The following LAD1 variants were observed in gnomAD, a reference collection of about 807,000 sequenced individuals.
LAD1 encodes the protein ladinin-1.
Under a neutral mutation model 54.2 loss-of-function variants are expected in LAD1, and 53 were observed. That is an observed-to-expected ratio of 0.98 (90% confidence interval 0.78 to 1.23). The LOEUF is 1.23. Among genes scored for constraint, LAD1 ranks in the 50% most tolerant of loss-of-function variants. The pLI, the probability that LAD1 is intolerant of heterozygous loss-of-function variation, is 0.00. For missense variants in LAD1, 637 were observed against 653.3 expected, an observed-to-expected ratio of 0.98 and a Z score of 0.27; for synonymous variants, 231 against 257.7, an observed-to-expected ratio of 0.90 and a Z score of 0.99.
At position 201,387,169 on chromosome 1, in the gene LAD1, G is replaced by T. The variant is rs200025654; in HGVS notation, c.192C>A (p.Ser64Arg). ...RQASASERLP[S>R]VEEAEVPKPL... ...GCTTGGGCACCTCTGCTTCTTCCAC[G>T]CTCGGTAGTCTGAATCAGAAGATGG... The change falls in exon 3 of 10, where the codon AGC (serine) becomes AGA (arginine). Residue 64 changes from serine (S) to arginine (R), a missense_variant. Physicochemically the swap from Ser to Arg is moderately radical, Grantham distance 110. Transcript: ENST00000391967. 4.6e-6 allele frequency: 7 copies of T among 1,511,652 alleles called. No individual in the cohort carries two copies. The highest frequency in any genetic ancestry group is 6.2e-6 in the Non-Finnish European group (7 of 1,132,356). 93.6% of individuals were successfully genotyped at this position (1,511,652 alleles called of 1,614,324 possible).
At chr1:201,391,301 G>T (rs753807103) in intron 1 of LAD1, 10 of 371,896 alleles carry the variant, frequency 2.7e-5, no homozygotes, top group Non-Finnish European at 4.2e-5. Context: ...GGCCAAGCAG[G>T]CATTCTACAG....
chr1:201,386,335 C>G lies in LAD1; in HGVS notation c.1026G>C (p.Gln342His). 2 of 1,458,552 alleles carry G rather than the reference C, an allele frequency of 1.4e-6. No homozygotes were observed. The highest frequency in any genetic ancestry group is 3.0e-5 in the South Asian group (2 of 65,932). The allele number at this position is 1,458,552 out of a possible 1,614,324, so 90.4% of individuals were successfully genotyped here. A position where few individuals can be genotyped will look rare whatever the true frequency, so the allele number is the denominator to read the frequency against. ...VASRLPPVTL[Q>H]VKIPSKEEEA... ...GTGGGAGGGACGGGACACTGCCAACCTGGAGTGTGACGGGTGGGAGGCGGG... is the reference window on the plus strand; with the variant it reads ...GTGGGAGGGACGGGACACTGCCAACGTGGAGTGTGACGGGTGGGAGGCGGG... The change falls in exon 3 of 10, where the codon CAG (glutamine) becomes CAC (histidine). Residue 342 changes from glutamine (Q) to histidine (H), a missense_variant and splice_region_variant. Coordinates refer to ENST00000391967, the MANE Select transcript of LAD1 (RefSeq NM_005558.4).
rs763204912 is a variant in LAD1 at position 201,384,785 on chromosome 1, C to T, written c.1175+7G>A. ...ATAGAAAGAACCAGAGCCTCCAGGC[C>T]CCCCACCTGCGAGTTAGGGTTGTTT... On this transcript the variant is annotated splice_region_variant and intron_variant, in intron 5 of 9. Transcript: ENST00000391967. 1.2e-6 allele frequency: 2 copies of T among 1,613,894 alleles called. No homozygotes were observed. Among genetic ancestry groups the T allele is most frequent in the East Asian group, 2.2e-5 (1 of 44,874 alleles).
chr1:201,382,147 C>T (rs1230489437), intron 9 of LAD1, 105 bp downstream of exon 9: 37 of 1,018,730 alleles, frequency 3.6e-5, no homozygotes, highest in Middle Eastern at 3.1e-4. Context: ...TCTGGGTGGA[C>T]TGCGCGATTG....
chr1:201,396,064 G>A (rs1045164431), intron 1 of LAD1, among the ~76,000 whole-genome samples: 2 of 152,136 alleles, frequency 1.3e-5, no homozygotes, highest in African/African-American at 2.4e-5. Flanking sequence ...GAGGGCAGAG[G>A]TTTGGGGAAA....
At chr1:201,389,608 T>C (rs531482903) in intron 1 of LAD1, among the ~76,000 whole-genome samples, 1 of 151,108 alleles carries the variant, frequency 6.6e-6, no homozygotes, top group African/African-American at 2.4e-5. Context: ...AGCTCAGGAG[T>C]TTGAGACCAG....
intron 5 of LAD1, 117 bp from the exon 6 acceptor site, chr1:201,383,506 G>A (rs1366541614): frequency 1.0e-6 from 1 of 965,982 alleles, no homozygotes; most frequent in Non-Finnish European, 1.7e-6. Flanking sequence ...AAGAGAATGT[G>A]GCCCTCCATC....
At chr1:201,391,133 C>T (rs1040378484) in intron 1 of LAD1, 17 of 456,558 alleles carry the variant, frequency 3.7e-5, no homozygotes, top group Non-Finnish European at 7.5e-5. Context: ...CTCTTGGAGC[C>T]TCCCTCACCT....
chr1:201,382,995 A>G, intron 7 of LAD1, 79 bp downstream of exon 7: 1 of 1,506,102 alleles, frequency 6.6e-7, no homozygotes, highest in Non-Finnish European at 9.0e-7. Flanking sequence ...GTTTTCTAGC[A>G]TTGCCACAGC....
At chr1:201,392,848 G>C (rs961575842) in intron 1 of LAD1, among the ~76,000 whole-genome samples, 2 of 152,128 alleles carry the variant, frequency 1.3e-5, no homozygotes, top group Non-Finnish European at 2.9e-5. Context: ...CCGTCAGAAG[G>C]CACCTGCAAT....
chr1:201,382,976 A>T, intron 7 of LAD1, 98 bp downstream of exon 7: 1 of 1,413,908 alleles, frequency 7.1e-7, no homozygotes, highest in African/African-American at 1.4e-5. Context: ...TAATTGACAC[A>T]TGAAAACAGT....
intron 1 of LAD1, among the ~76,000 whole-genome samples, chr1:201,394,575 C>T (rs1012630212): frequency 7.2e-5 from 11 of 152,228 alleles, no homozygotes; most frequent in African/African-American, 2.4e-4. Context: ...GTAGATTGAA[C>T]ATTCATCATT....
intron 1 of LAD1, among the ~76,000 whole-genome samples, chr1:201,394,113 C>A (rs1255951455): frequency 6.6e-6 from 1 of 152,124 alleles, no homozygotes; most frequent in Admixed American, 6.5e-5. Context: ...GGTGTCTCAT[C>A]TCTAGTGCCC....
At position 201,395,525 on chromosome 1, in the gene LAD1, G is replaced by T. The variant is rs547562011; in HGVS notation, c.38+3744C>A. On this transcript the variant is annotated intron_variant, in intron 1 of 9. Transcript: ENST00000391967. ...TCCCAGCACTTTGGGAGGCCAAGGCGGCCGGATCACTTGAGGGCAGGAGTT... is the reference window on the plus strand; with the variant it reads ...TCCCAGCACTTTGGGAGGCCAAGGCTGCCGGATCACTTGAGGGCAGGAGTT... 1.5e-4 allele frequency among the ~76,000 whole-genome samples: 23 copies of T among 152,256 alleles called. 1 individual carries two copies. In the South Asian group the frequency reaches 4.4e-3, roughly 29 times the overall value.
At chr1:201,385,831 A>T (rs201825830) in intron 3 of LAD1, 26 bp from the exon 4 acceptor site, 2 of 1,551,266 alleles carry the variant, frequency 1.3e-6, no homozygotes, top group East Asian at 4.5e-5. Flanking sequence ...GGAGTGTCAC[A>T]TAAGAGGTCT....
intron 1 of LAD1, among the ~76,000 whole-genome samples, chr1:201,397,948 C>G (rs1328087292): frequency 6.6e-6 from 1 of 152,242 alleles, no homozygotes; most frequent in East Asian, 1.9e-4. Flanking sequence ...CAGCCGCACC[C>G]TCAGCATAGA....
intron 1 of LAD1, among the ~76,000 whole-genome samples, chr1:201,395,996 G>T (rs1490524774): frequency 1.3e-5 from 2 of 152,072 alleles, no homozygotes; most frequent in Non-Finnish European, 2.9e-5. Context: ...GCATCTGAAG[G>T]TGTGGTATTC....
intron 5 of LAD1, 87 bp downstream of exon 5, chr1:201,384,705 C>G: frequency 1.5e-5 from 20 of 1,371,296 alleles, no homozygotes; most frequent in Non-Finnish European, 2.1e-5. Context: ...TACCGCACAG[C>G]CTGGCACAAG....
chr1:201,399,063 C>A (rs1220697401), intron 1 of LAD1, among the ~76,000 whole-genome samples: 18 of 152,240 alleles, frequency 1.2e-4, no homozygotes, highest in Non-Finnish European at 4.4e-5. Context: ...TGTGTGGGGC[C>A]TCAGGCCCCG....
Sources: gnomAD v4.1 joint callset for allele counts (sites outside exome capture counted in the v4.1 genomes callset) on GRCh38, gnomAD v4.1.1 for gene constraint, MANE v1.5 for transcripts, NCBI Gene and HGNC (gene_info 2026-07-23, HGNC 2026-07-21) for gene names.